Variants in EHD4 observed in about 807,000 individuals in gnomAD.
The protein encoded by EHD4 is EH domain-containing protein 4.
Under a neutral mutation model 51.0 loss-of-function variants are expected in EHD4, and 37 were observed. The observed-to-expected ratio is 0.73, with a 90% confidence interval of 0.56 to 0.95. EHD4 has a LOEUF of 0.95. EHD4 is among the 40% of genes least tolerant of loss of function. The pLI is 0.00. For synonymous variants in EHD4, 297 were observed against 317.3 expected, an observed-to-expected ratio of 0.94 and a Z score of 0.68; for missense variants, 632 against 733.1, an observed-to-expected ratio of 0.86 and a Z score of 1.59.
At chr15:41,932,711 G>T (rs2067706899) in intron 3 of EHD4, among the ~76,000 whole-genome samples, 1 of 152,130 alleles carries the variant, frequency 6.6e-6, no homozygotes, top group Non-Finnish European at 1.5e-5. Context: ...TCTTCAGCAG[G>T]TTTCCCACCT....
chr15:41,935,014 G>A (rs1340211536), intron 3 of EHD4, among the ~76,000 whole-genome samples: 2 of 152,144 alleles, frequency 1.3e-5, no homozygotes, highest in Non-Finnish European at 2.9e-5. Context: ...GCAGGTGGCG[G>A]GGGGGCCTCC....
chr15:41,903,425 G>C (rs2067491608), intron 5 of EHD4, among the ~76,000 whole-genome samples: 2 of 147,558 alleles, frequency 1.4e-5, no homozygotes, highest in Admixed American at 1.4e-4. Flanking sequence ...AGCATATCTG[G>C]GCATGCATTT....
Position 41,919,423 on chromosome 15 carries a change from C to T in EHD4, c.711G>A (p.Gly237=). 1 of 1,590,432 alleles carries T rather than the reference C, an allele frequency of 6.3e-7. No homozygotes were observed. The highest frequency in any genetic ancestry group is 8.6e-7 in the Non-Finnish European group (1 of 1,166,918). ...VDTQQLMRVY[G]ALMWSLGKVI... is the part of the protein sequence containing the mutation. Reference sequence around the variant, plus strand: ...CCTTGCCTAGGGACCACATGAGGGCCCCGTAGACCCGCATCAGCTGCTGCG... The same window carrying T: ...CCTTGCCTAGGGACCACATGAGGGCTCCGTAGACCCGCATCAGCTGCTGCG... Residue 237 remains glycine, a synonymous_variant, in exon 4 of 6, where the codon GGG becomes GGA. Coordinates refer to ENST00000220325, the MANE Select transcript of EHD4 (RefSeq NM_139265.4).
intron 3 of EHD4, among the ~76,000 whole-genome samples, chr15:41,923,756 C>T (rs767500192): frequency 4.6e-5 from 7 of 152,216 alleles, no homozygotes; most frequent in African/African-American, 7.2e-5. Context: ...GTATTAGTTC[C>T]TTTTATTCCA....
chr15:41,933,679 T>G (rs1335198540), intron 3 of EHD4, among the ~76,000 whole-genome samples: 1 of 152,152 alleles, frequency 6.6e-6, no homozygotes, highest in Non-Finnish European at 1.5e-5. Context: ...GAGAGAAGCT[T>G]TACCACCTCT....
intron 1 of EHD4, among the ~76,000 whole-genome samples, chr15:41,958,167 C>T (rs565449295): frequency 4.0e-4 from 61 of 151,916 alleles, no homozygotes; most frequent in Non-Finnish European, 7.8e-4. Flanking sequence ...TTAGCCCCTC[C>T]ACAGGCATCC....
intron 4 of EHD4, among the ~76,000 whole-genome samples, chr15:41,913,051 T>C (rs1473426387): frequency 1.3e-5 from 2 of 152,214 alleles, no homozygotes; most frequent in African/African-American, 4.8e-5. Flanking sequence ...CCTAATTCAC[T>C]GAGAGGCTTT....
At chr15:41,908,869 T>C (rs527487256) in intron 5 of EHD4, among the ~76,000 whole-genome samples, 51 of 152,350 alleles carry the variant, frequency 3.3e-4, no homozygotes, top group African/African-American at 1.1e-3. Flanking sequence ...CCTGGCCTGC[T>C]CCACTGTTTG....
intron 3 of EHD4, among the ~76,000 whole-genome samples, chr15:41,937,676 TTCTC>T (rs1297932293): frequency 6.6e-6 from 1 of 152,250 alleles, no homozygotes; most frequent in Admixed American, 6.5e-5. Context: ...TCTCTAAGTG[TTCTC>T]TCTCCTTTCC....
intron 1 of EHD4, among the ~76,000 whole-genome samples, chr15:41,959,433 T>A (rs72726030): frequency 0.097 from 14,527 of 149,906 alleles, 887 homozygotes; most frequent in South Asian, 0.27. Flanking sequence ...AGAAATGGTT[T>A]GTGTGATGAT....
At chr15:41,966,480 A>T (rs1462828952) in intron 1 of EHD4, among the ~76,000 whole-genome samples, 1 of 150,638 alleles carries the variant, frequency 6.6e-6, no homozygotes, top group East Asian at 1.9e-4. Flanking sequence ...TGACCTCCCC[A>T]CTCCCCACAT....
intron 5 of EHD4, among the ~76,000 whole-genome samples, chr15:41,905,688 T>G (rs76187182): frequency 0.049 from 7,473 of 152,290 alleles, 278 homozygotes; most frequent in Non-Finnish European, 0.064. Flanking sequence ...TTTTTCTGTT[T>G]TTTGACAGGG....
chr15:41,920,331 C>T (rs1052283932), intron 3 of EHD4, among the ~76,000 whole-genome samples: 6 of 152,212 alleles, frequency 3.9e-5, no homozygotes, highest in African/African-American at 1.4e-4. Context: ...CTGACCACCT[C>T]CACAAATCAT....
intron 3 of EHD4, among the ~76,000 whole-genome samples, chr15:41,930,204 G>A (rs2067689309): frequency 6.6e-6 from 1 of 152,110 alleles, no homozygotes; most frequent in South Asian, 2.1e-4. Flanking sequence ...CTAACCTTCT[G>A]ATATTATTAT....
In EHD4 at chr15:41,952,139, C is replaced by T. The variant is rs539738384; in HGVS notation, c.413+1625G>A. On this transcript the variant is annotated intron_variant, in intron 2 of 5. Coordinates refer to ENST00000220325, the MANE Select transcript of EHD4 (RefSeq NM_139265.4). ...CGGAGGGGCCTGGGTGGCCCTCAGC[C>T]GAGCCAGTGCACAGCATCCAGCACA... is the stretch of plus-strand genomic sequence containing the variant. Among the ~76,000 whole-genome samples the T allele has an allele frequency of 1.6e-4, 24 of 152,362 alleles. No individual in the cohort carries two copies. The South Asian group carries it at 3.5e-3, about 22-fold the overall frequency.
chr15:41,907,479 T>C (rs2067520092), intron 5 of EHD4, among the ~76,000 whole-genome samples: 3 of 152,188 alleles, frequency 2.0e-5, no homozygotes, highest in Non-Finnish European at 4.4e-5. Flanking sequence ...GGAATACCCA[T>C]TTCACTGCTG....
At chr15:41,942,717 C>T (rs1300670303) in intron 3 of EHD4, 1 of 218,578 alleles carries the variant, frequency 4.6e-6, no homozygotes. Context: ...TAGGTAATTC[C>T]TACTCCTTCA....
At chr15:41,954,160 G>GC (rs1471998322) in intron 1 of EHD4, among the ~76,000 whole-genome samples, 5 of 152,166 alleles carry the variant, frequency 3.3e-5, no homozygotes, top group African/African-American at 9.7e-5. Context: ...TGGAAGCTCT[G>GC]CTCAGGCTCA....
chr15:41,962,542 CAA>C (rs35279472), intron 1 of EHD4, among the ~76,000 whole-genome samples: 12 of 127,994 alleles, frequency 9.4e-5, no homozygotes, highest in East Asian at 2.2e-4. Context: ...TGACAAAAGA[CAA>C]AAAAAAAAAA....
Sources: gnomAD v4.1 joint callset for allele counts (sites outside exome capture counted in the v4.1 genomes callset) on GRCh38, gnomAD v4.1.1 for gene constraint, MANE v1.5 for transcripts, NCBI Gene and HGNC (gene_info 2026-07-23, HGNC 2026-07-21) for gene names.